USP6NL: variants seen among roughly 807,000 people sequenced by gnomAD.
USP6NL encodes USP6 N-terminal-like protein.
Under a neutral mutation model 61.9 loss-of-function variants are expected in USP6NL, and 26 were observed. The observed-to-expected ratio is 0.42, with a 90% CI of 0.31 to 0.58. USP6NL has a LOEUF of 0.58. Ranked by LOEUF, USP6NL falls within the 20% of genes least tolerant of loss-of-function variation. The probability of loss-of-function intolerance (pLI) is 0.16; values close to 1 mark genes in which losing one functional copy is unlikely to be tolerated. For synonymous variants in USP6NL, 432 were observed against 390.1 expected (o/e 1.11, Z -1.27); for missense variants, 1,114 against 1,034.3 (o/e 1.08, Z -1.06).
At chr10:11,547,609 A>C (rs1010147817) in intron 2 of USP6NL, among the ~76,000 whole-genome samples, 2 of 147,562 alleles carry the variant, frequency 1.4e-5, no homozygotes, top group African/African-American at 2.5e-5. Flanking sequence ...GCACGATCTC[A>C]GCTCACTGCA....
rs541411726 is a variant in USP6NL, at chr10:11,474,170, T to C, written c.1078+7600A>G. Among the ~76,000 whole-genome samples, 1 of 152,372 alleles carries C rather than the reference T, an allele frequency of 6.6e-6. No individual in the cohort carries two copies. Among genetic ancestry groups the C allele is most frequent in the South Asian group, 2.1e-4 (1 of 4,828 alleles). Reference sequence around the variant, plus strand: ...AGAGAATCAAAGGTGATTAATTCTGTAGTTTTTTGCATTAAGGAATCTGTT... The same window carrying C: ...AGAGAATCAAAGGTGATTAATTCTGCAGTTTTTTGCATTAAGGAATCTGTT... On this transcript the variant is annotated intron_variant, in intron 14 of 14. Transcript: ENST00000609104. This position sits in a 1 kb window ranked among gnomAD's most constrained non-coding sequence, Gnocchi z 4.9.
rs1838406491 is a variant in USP6NL at position 11,598,620 on chromosome 10, T to C, written c.-83-903A>G. Among the ~76,000 whole-genome samples, 1 of 152,236 alleles carries C rather than the reference T, an allele frequency of 6.6e-6. No homozygotes were observed. The highest frequency in any genetic ancestry group is 1.5e-5 in the Non-Finnish European group (1 of 68,034). ...AGACTCAACACAAAATGTACACCTG[T>C]ACTACCTCACATGTAGTTTCCTTCA... is the stretch of plus-strand genomic sequence containing the variant. On this transcript the variant is annotated intron_variant, in intron 1 of 14. Transcript: ENST00000609104. The surrounding 1 kb of genome is among the most constrained non-coding windows in gnomAD (Gnocchi z 4.7).
intron 2 of USP6NL, among the ~76,000 whole-genome samples, chr10:11,566,606 C>T (rs1837168202): frequency 6.6e-6 from 1 of 152,218 alleles, no homozygotes; most frequent in Admixed American, 6.5e-5. Context: ...GGCAATCTGG[C>T]TATACAATCT....
intron 10 of USP6NL, among the ~76,000 whole-genome samples, 190 bp from the exon 11 acceptor site, chr10:11,486,101 G>A (rs908206686): frequency 1.3e-5 from 2 of 150,072 alleles, no homozygotes; most frequent in African/African-American, 2.5e-5. Context: ...TTTAGCCTAG[G>A]ATTTGTTTGC....
At position 11,462,298 on chromosome 10, in the gene USP6NL, T is replaced by C; in HGVS notation, c.*143A>G. 5 of 1,001,394 alleles carry C rather than the reference T, an allele frequency of 5.0e-6. No homozygotes were observed. The highest frequency in any genetic ancestry group is 7.1e-6 in the Non-Finnish European group (5 of 703,622). 62.0% of individuals were successfully genotyped at this position (1,001,394 alleles called of 1,614,324 possible). A position where few individuals can be genotyped will look rare whatever the true frequency, so the allele number is the denominator to read the frequency against. The stretch of plus-strand genomic sequence containing the variant: ...CAGCATCTACGTGGGGCTGAAGACA[T>C]TTCCCTGTATTCTTACTACTAACAG... On this transcript the variant is annotated 3_prime_UTR_variant, in exon 15 of 15. Transcript: ENST00000609104.
Position 11,491,909 on chromosome 10 carries a change from C to T in USP6NL, c.495-1029G>A, listed in dbSNP as rs1481686249. On this transcript the variant is annotated intron_variant, in intron 8 of 14. Coordinates refer to ENST00000609104, the MANE Select transcript of USP6NL (RefSeq NM_014688.5). The surrounding 1 kb of genome is among the most constrained non-coding windows in gnomAD (Gnocchi z 4.7). ...TAAACACCACCTGTGACCACATGAC[C>T]AGTCACAGAAGGGATTGCTGCAATT... is the stretch of plus-strand genomic sequence containing the variant. Among the ~76,000 whole-genome samples, 3 of 152,214 alleles carry T rather than the reference C, an allele frequency of 2.0e-5. No homozygotes were observed. Among genetic ancestry groups the T allele is most frequent in the African/African-American group, 7.2e-5 (3 of 41,446 alleles).
At chr10:11,526,748 A>T (rs1229007470) in intron 3 of USP6NL, among the ~76,000 whole-genome samples, 2 of 152,222 alleles carry the variant, frequency 1.3e-5, no homozygotes, top group African/African-American at 2.4e-5. Flanking sequence ...CATGACATTT[A>T]TAAATCACTG....
chr10:11,596,521 G>A lies in USP6NL; in HGVS notation c.4+1110C>T, dbSNP rs1283286889. Among the ~76,000 whole-genome samples, 1 of 152,022 alleles carries A rather than the reference G, an allele frequency of 6.6e-6. No homozygotes were observed. Among genetic ancestry groups the A allele is most frequent in the Admixed American group, 6.5e-5 (1 of 15,276 alleles). ...CGCCTGTAGTCCCAGCTACTCGGGA[G>A]GCTGAGGCAGGAGAATGGCGCGAAC... On this transcript the variant is annotated intron_variant, in intron 2 of 14. Coordinates refer to ENST00000609104, the MANE Select transcript of USP6NL (RefSeq NM_014688.5). The surrounding 1 kb of genome is among the most constrained non-coding windows in gnomAD (Gnocchi z 4.1).
At chr10:11,583,607 C>A (rs1396847077) in intron 2 of USP6NL, among the ~76,000 whole-genome samples, 1 of 152,096 alleles carries the variant, frequency 6.6e-6, no homozygotes, top group Non-Finnish European at 1.5e-5. Context: ...GAGATTTAGT[C>A]ATAATAAGGA....
chr10:11,509,198 A>C (rs948514759), intron 6 of USP6NL, among the ~76,000 whole-genome samples: 39 of 152,224 alleles, frequency 2.6e-4, no homozygotes, highest in African/African-American at 8.7e-4. Context: ...CTTTCTGAGC[A>C]GTATGATCTG....
intron 2 of USP6NL, among the ~76,000 whole-genome samples, chr10:11,580,813 C>T (rs1225137222): frequency 6.6e-6 from 1 of 151,826 alleles, no homozygotes; most frequent in African/African-American, 2.4e-5. Context: ...TGATTTCACT[C>T]GTTGGATGGA....
intron 2 of USP6NL, among the ~76,000 whole-genome samples, chr10:11,580,730 A>G (rs181915521): frequency 4.6e-5 from 7 of 152,336 alleles, no homozygotes; most frequent in Admixed American, 4.6e-4. Context: ...GTTCAGAACC[A>G]CCATTCTAGA....
In USP6NL at chr10:11,510,930, T is replaced by C. The variant is rs1834684616; in HGVS notation, c.196-1255A>G. Among the ~76,000 whole-genome samples the C allele has an allele frequency of 6.6e-6, 1 of 152,214 alleles. No homozygotes were observed. The highest frequency in any genetic ancestry group is 1.5e-5 in the Non-Finnish European group (1 of 68,036). The stretch of plus-strand genomic sequence containing the variant: ...GCTCCCATCCTGTCCTCTGCCCTAG[T>C]TCAGGCAATCATCATTCCTGGATGG... On this transcript the variant is annotated intron_variant, in intron 5 of 14. Coordinates refer to ENST00000609104, the MANE Select transcript of USP6NL (RefSeq NM_014688.5). This position sits in a 1 kb window ranked among gnomAD's most constrained non-coding sequence, Gnocchi z 4.8.
intron 4 of USP6NL, among the ~76,000 whole-genome samples, chr10:11,524,039 C>G (rs1057116689): frequency 3.3e-5 from 5 of 152,132 alleles, no homozygotes; most frequent in Non-Finnish European, 7.4e-5. Context: ...TTTCTTGTCA[C>G]GTGCGTAGCC....
intron 2 of USP6NL, among the ~76,000 whole-genome samples, chr10:11,580,867 T>TGATGGACGGATG (rs1555173786): frequency 6.7e-6 from 1 of 149,744 alleles, no homozygotes; most frequent in African/African-American, 2.5e-5. Flanking sequence ...AACGGATAGA[T>TGATGGACGGATG]GATGGATGGA....
chr10:11,565,934 T>C (rs892535455), intron 2 of USP6NL, among the ~76,000 whole-genome samples: 5 of 152,256 alleles, frequency 3.3e-5, no homozygotes, highest in African/African-American at 4.8e-5. Flanking sequence ...AGATTCTTAC[T>C]CTTCAACCAG....
At chr10:11,571,354 G>C (rs1837354246) in intron 2 of USP6NL, among the ~76,000 whole-genome samples, 1 of 152,056 alleles carries the variant, frequency 6.6e-6, no homozygotes, top group African/African-American at 2.4e-5. Flanking sequence ...CCAAAGTGCT[G>C]GGATTACAGA....
chr10:11,471,563 C>T (rs1467292142), intron 14 of USP6NL, among the ~76,000 whole-genome samples: 1 of 152,162 alleles, frequency 6.6e-6, no homozygotes, highest in East Asian at 1.9e-4. Flanking sequence ...ATAGCAAAGA[C>T]TTGGAACTAA....
intron 1 of USP6NL, among the ~76,000 whole-genome samples, chr10:11,603,286 G>A (rs900855755): frequency 6.6e-6 from 1 of 152,260 alleles, no homozygotes; most frequent in South Asian, 2.1e-4. Context: ...GACAACTTCA[G>A]GTATTTAGGA....
Sources: allele counts gnomAD v4.1 joint callset (sites outside exome capture counted in the v4.1 genomes callset), GRCh38; gene constraint gnomAD v4.1.1; non-coding constraint Gnocchi (gnomAD v3.1); transcripts MANE v1.5; gene names NCBI Gene and HGNC (gene_info 2026-07-23, HGNC 2026-07-21).